Variants in ZDHHC20 observed in about 807,000 individuals in gnomAD.
ZDHHC20 encodes the protein zDHHC palmitoyltransferase 20, also known as palmitoyltransferase ZDHHC20.
ZDHHC20 carries 43 observed loss-of-function variants against 57.8 expected under a neutral mutation model. The observed-to-expected ratio is 0.74, with a 90% CI of 0.58 to 0.96. The LOEUF (loss-of-function observed/expected upper bound fraction) is 0.96, where lower values mean the gene tolerates loss of function less well. ZDHHC20 is among the 40% of genes least tolerant of loss of function. ZDHHC20 has a pLI of 0.00. For synonymous variants in ZDHHC20, 157 were observed against 153.0 expected, an observed-to-expected ratio of 1.03 and a Z score of -0.19; for missense variants, 391 against 441.1, an observed-to-expected ratio of 0.89 and a Z score of 1.02.
intron 9 of ZDHHC20, among the ~76,000 whole-genome samples, chr13:21,384,971 A>AT (rs934878016): frequency 6.6e-5 from 10 of 152,222 alleles, no homozygotes; most frequent in African/African-American, 9.6e-5. Context: ...AGAAAAAAAA[A>AT]GTCAATAGAA....
chr13:21,377,882 T>C (rs1396494701), intron 12 of ZDHHC20: 1 of 152,334 alleles, frequency 6.6e-6, no homozygotes, highest in East Asian at 1.9e-4. Flanking sequence ...TGCGATAAGC[T>C]CCATGTTTGT....
intron 9 of ZDHHC20, among the ~76,000 whole-genome samples, chr13:21,387,292 C>T (rs908713328): frequency 6.6e-5 from 10 of 151,928 alleles, no homozygotes; most frequent in African/African-American, 2.4e-4. Flanking sequence ...TTTTCTTCTA[C>T]TTCCCATTCA....
intron 7 of ZDHHC20, among the ~76,000 whole-genome samples, chr13:21,397,983 T>A (rs1877063081): frequency 6.6e-6 from 1 of 152,084 alleles, no homozygotes; most frequent in Non-Finnish European, 1.5e-5. Context: ...ATAAAAAACA[T>A]CTACTGACTG....
chr13:21,449,401 G>GCTT (rs922858022), intron 1 of ZDHHC20, among the ~76,000 whole-genome samples: 2 of 152,014 alleles, frequency 1.3e-5, no homozygotes, highest in Non-Finnish European at 2.9e-5. Context: ...AGGGGTTCTG[G>GCTT]CTTCTCTTGG....
chr13:21,443,738 G>A (rs185617002), intron 1 of ZDHHC20, among the ~76,000 whole-genome samples: 2 of 152,162 alleles, frequency 1.3e-5, no homozygotes, highest in Non-Finnish European at 2.9e-5. Context: ...TGAATAGTAA[G>A]GATAATTATT....
At chr13:21,391,913 G>A in intron 7 of ZDHHC20, 59 bp from the exon 8 acceptor site, 1 of 1,531,068 alleles carries the variant, frequency 6.5e-7, no homozygotes. Context: ...TTACAAGTTA[G>A]TTCTGTCTAA....
At chr13:21,394,612 A>G (rs1329690739) in intron 7 of ZDHHC20, among the ~76,000 whole-genome samples, 2 of 152,210 alleles carry the variant, frequency 1.3e-5, no homozygotes, top group African/African-American at 4.8e-5. Flanking sequence ...TTTTTTACTC[A>G]GAATTAATCC....
intron 1 of ZDHHC20, among the ~76,000 whole-genome samples, chr13:21,457,029 C>T (rs1180770849): frequency 1.3e-5 from 2 of 152,214 alleles, no homozygotes; most frequent in Non-Finnish European, 2.9e-5. Flanking sequence ...GTAGAGATAC[C>T]TATGCTGTGA....
chr13:21,403,945 C>T (rs537312257), intron 4 of ZDHHC20, among the ~76,000 whole-genome samples: 2 of 152,280 alleles, frequency 1.3e-5, no homozygotes, highest in East Asian at 1.9e-4. Flanking sequence ...ACCTCGGCCT[C>T]CCAAAGTGCT....
At position 21,409,637 on chromosome 13, in the gene ZDHHC20, G is replaced by C. The variant is rs1052240154; in HGVS notation, c.370+4015C>G. On this transcript the variant is annotated intron_variant, in intron 4 of 12. Transcript: ENST00000400590. ...TCTTTATGCTTTATTTCATCAAGTT[G>C]ATCTTCAATCACTGATATCCTTTCT... Among the ~76,000 whole-genome samples, 3 of 151,718 alleles carry C rather than the reference G, an allele frequency of 2.0e-5. No homozygotes were observed. The East Asian group carries it at 5.8e-4, about 29-fold the overall frequency.
chr13:21,380,727 G>C (rs1873207899), intron 11 of ZDHHC20, among the ~76,000 whole-genome samples: 1 of 151,378 alleles, frequency 6.6e-6, no homozygotes, highest in African/African-American at 2.4e-5. Context: ...GGGAGGCGGA[G>C]GTTGCAGTAA....
intron 6 of ZDHHC20, among the ~76,000 whole-genome samples, chr13:21,400,815 A>G (rs1877516768): frequency 6.6e-6 from 1 of 151,892 alleles, no homozygotes; most frequent in Non-Finnish European, 1.5e-5. Context: ...GGTTCACGTG[A>G]TTCTCCTGCC....
At chr13:21,439,138 T>A (rs1882864776) in intron 1 of ZDHHC20, among the ~76,000 whole-genome samples, 1 of 152,202 alleles carries the variant, frequency 6.6e-6, no homozygotes, top group Non-Finnish European at 1.5e-5. Flanking sequence ...CCCACCAAGG[T>A]ATGCCTGCAA....
At position 21,381,435 on chromosome 13, in the gene ZDHHC20, T is replaced by G. The variant is rs1411357178; in HGVS notation, c.1059A>C (p.Ser353=). 1 of 1,611,780 alleles carries G rather than the reference T, an allele frequency of 6.2e-7. No individual in the cohort carries two copies. Among genetic ancestry groups the G allele is most frequent in the Middle Eastern group, 1.7e-4 (1 of 6,058 alleles). Residue 353 remains serine, a splice_region_variant and synonymous_variant, in exon 11 of 13, where the codon TCA becomes TCC. Transcript: ENST00000400590. ...ENGAEEGIVK[S]GTNNHVTVAI... ...AGTGTTTCAAATGAGAACTATTACC[T>G]GATTTGACGATGCCTTCTTCAGCTC...
rs761376648 is a variant in ZDHHC20 at position 21,374,707 on chromosome 13, G to C, written c.*1989C>G. ...TGCCTCCTTTTAAAATCCAATATTA[G>C]TATGGCTGATGGAAATTAGGCCAAA... On this transcript the variant is annotated 3_prime_UTR_variant, in exon 13 of 13. Transcript: ENST00000400590. The C allele has an allele frequency of 4.1e-6, 1 of 242,610 alleles. No homozygotes were observed. Among genetic ancestry groups the C allele is most frequent in the Non-Finnish European group, 8.4e-6 (1 of 119,338 alleles). The allele number at this position is 242,610 out of a possible 1,614,324, so 15.0% of individuals were successfully genotyped here.
rs1757105647 is a variant in ZDHHC20 at position 21,376,061 on chromosome 13, G to A, written c.*635C>T. On this transcript the variant is annotated 3_prime_UTR_variant, in exon 13 of 13. Transcript: ENST00000400590. ...TCATAACTAAGCTTTCGATGAATTA[G>A]ACCAATGTGTTCTATGTTCTAAATG... is the stretch of plus-strand genomic sequence containing the variant. The A allele has an allele frequency of 6.6e-6, 1 of 152,144 alleles. No homozygotes were observed. The highest frequency in any genetic ancestry group is 2.4e-5 in the African/African-American group (1 of 41,444). 9.4% of individuals were successfully genotyped at this position (152,144 alleles called of 1,614,324 possible). A position where few individuals can be genotyped will look rare whatever the true frequency, so the allele number is the denominator to read the frequency against.
intron 12 of ZDHHC20, among the ~76,000 whole-genome samples, chr13:21,377,449 C>T (rs1382300817): frequency 3.8e-4 from 45 of 117,240 alleles, no homozygotes; most frequent in African/African-American, 1.7e-3. Flanking sequence ...CTGACTCTGC[C>T]CGACGTGACC....
At chr13:21,403,294 T>TA (rs5802111) in intron 4 of ZDHHC20, among the ~76,000 whole-genome samples, 53,984 of 146,000 alleles carry the variant, frequency 0.37, 9,797 homozygotes, top group African/African-American at 0.44. Context: ...ATAGTTTTAT[T>TA]AAAAAAAAAA....
chr13:21,410,154 TCTC>T (rs910181294), intron 4 of ZDHHC20, among the ~76,000 whole-genome samples: 3 of 152,182 alleles, frequency 2.0e-5, no homozygotes, highest in African/African-American at 7.2e-5. Flanking sequence ...CTTCTGCAGA[TCTC>T]CTGGAGTTTG....
Sources: gnomAD v4.1 joint callset for allele counts (sites outside exome capture counted in the v4.1 genomes callset) on GRCh38, gnomAD v4.1.1 for gene constraint, MANE v1.5 for transcripts, NCBI Gene and HGNC (gene_info 2026-07-23, HGNC 2026-07-21) for gene names.